Variants in CDH13 observed in about 807,000 individuals in gnomAD.
CDH13 encodes cadherin 13, also known as cadherin-13.
Under a neutral mutation model 63.8 loss-of-function variants are expected in CDH13, and 24 were observed. The ratio of observed to expected loss-of-function variants is 0.38; its 90% CI spans 0.27 to 0.53. CDH13 has a LOEUF of 0.53. CDH13 is among the 20% of genes least tolerant of loss of function. CDH13 has a pLI of 0.85. For synonymous variants in CDH13, 503 were observed against 355.3 expected (o/e 1.42, Z -4.67); for missense variants, 1,049 against 903.1 (o/e 1.16, Z -2.07).
intron 3 of CDH13, among the ~76,000 whole-genome samples, chr16:83,082,440 C>T (rs1445684314): frequency 6.6e-6 from 1 of 151,908 alleles, no homozygotes. Context: ...GCCTGGCCAA[C>T]ATGGTGAAAC....
chr16:83,317,147 C>T (rs534105249), intron 5 of CDH13, among the ~76,000 whole-genome samples: 2 of 152,308 alleles, frequency 1.3e-5, no homozygotes, highest in South Asian at 4.1e-4. Context: ...AAGTCACCCA[C>T]CATTAATTAT....
intron 6 of CDH13, among the ~76,000 whole-genome samples, chr16:83,374,931 A>G (rs965547294): frequency 1.8e-4 from 28 of 152,204 alleles, no homozygotes; most frequent in African/African-American, 6.5e-4. Context: ...ACAGATTTGA[A>G]GTGCAAAGGG....
intron 11 of CDH13, among the ~76,000 whole-genome samples, chr16:83,769,858 C>A (rs890062723): frequency 6.6e-6 from 1 of 151,630 alleles, no homozygotes; most frequent in Admixed American, 6.6e-5. Flanking sequence ...TCAAAAAGGG[C>A]TAGGTAGGAA....
At chr16:83,492,671 A>C (rs2074042056) in intron 7 of CDH13, among the ~76,000 whole-genome samples, 1 of 152,214 alleles carries the variant, frequency 6.6e-6, no homozygotes, top group Non-Finnish European at 1.5e-5. Flanking sequence ...GACATTCAAA[A>C]GGCAGAATGC....
chr16:83,116,664 G>C (rs574829142), intron 3 of CDH13, among the ~76,000 whole-genome samples: 17 of 152,344 alleles, frequency 1.1e-4, no homozygotes, highest in Non-Finnish European at 2.4e-4. Flanking sequence ...TTTCATTTAA[G>C]GGTGATGGAG....
chr16:83,631,793 C>G (rs1910801227), intron 8 of CDH13, among the ~76,000 whole-genome samples: 1 of 152,232 alleles, frequency 6.6e-6, no homozygotes, highest in Non-Finnish European at 1.5e-5. Flanking sequence ...AAATCAGTCA[C>G]TGCTGCCGCC....
intron 1 of CDH13, among the ~76,000 whole-genome samples, chr16:82,702,602 A>G (rs1307720646): frequency 6.6e-6 from 1 of 151,568 alleles, no homozygotes; most frequent in Admixed American, 6.6e-5. Context: ...AAGAATCAAT[A>G]AAACTTCCAT....
At chr16:82,942,264 G>A (rs1904297546) in intron 2 of CDH13, among the ~76,000 whole-genome samples, 1 of 152,154 alleles carries the variant, frequency 6.6e-6, no homozygotes, top group African/African-American at 2.4e-5. Flanking sequence ...GCCGCAAAAT[G>A]TATTGAGAAG....
At chr16:82,757,870 C>T (rs540939973) in intron 1 of CDH13, among the ~76,000 whole-genome samples, 2 of 152,142 alleles carry the variant, frequency 1.3e-5, no homozygotes, top group African/African-American at 2.4e-5. Context: ...AAGATGGTCT[C>T]GATTTCTTGA....
chr16:83,278,615 T>G (rs1227410044), intron 5 of CDH13, among the ~76,000 whole-genome samples: 1 of 152,170 alleles, frequency 6.6e-6, no homozygotes, highest in Admixed American at 6.5e-5. Context: ...TCTAAATCCG[T>G]TCTCTCTTTC....
At chr16:82,866,869 A>C (rs2040167733) in intron 2 of CDH13, among the ~76,000 whole-genome samples, 1 of 152,168 alleles carries the variant, frequency 6.6e-6, no homozygotes, top group African/African-American at 2.4e-5. Flanking sequence ...AGCATAGAGG[A>C]AACCACCTCC....
At chr16:82,838,073 G>C (rs1162223803) in intron 1 of CDH13, among the ~76,000 whole-genome samples, 3 of 152,164 alleles carry the variant, frequency 2.0e-5, no homozygotes, top group Non-Finnish European at 2.9e-5. Flanking sequence ...TCACCCCGCA[G>C]ATCCTGGCCC....
intron 6 of CDH13, among the ~76,000 whole-genome samples, chr16:83,364,780 AAGAG>A (rs993161712): frequency 6.6e-6 from 1 of 152,122 alleles, no homozygotes; most frequent in Non-Finnish European, 1.5e-5. Flanking sequence ...CAGAAGGAAG[AAGAG>A]AGAGAGAGAT....
At chr16:82,700,724 C>T (rs2030883850) in intron 1 of CDH13, among the ~76,000 whole-genome samples, 1 of 152,038 alleles carries the variant, frequency 6.6e-6, no homozygotes, top group Non-Finnish European at 1.5e-5. Context: ...GAGTCTCACC[C>T]TCCTCTTTGC....
intron 1 of CDH13, among the ~76,000 whole-genome samples, chr16:82,634,958 G>C (rs957144219): frequency 6.6e-6 from 1 of 152,232 alleles, no homozygotes; most frequent in East Asian, 1.9e-4. Flanking sequence ...AAGGCAGACT[G>C]AGTCTCTGCT....
intron 3 of CDH13, among the ~76,000 whole-genome samples, chr16:83,069,211 T>C (rs1316564190): frequency 2.0e-5 from 3 of 152,226 alleles, no homozygotes; most frequent in Admixed American, 2.0e-4. Context: ...ATCAGTGGTC[T>C]CAATGTCATT....
At chr16:83,537,932 T>A (rs529478506) in intron 7 of CDH13, among the ~76,000 whole-genome samples, 2 of 152,308 alleles carry the variant, frequency 1.3e-5, no homozygotes, top group South Asian at 4.1e-4. Context: ...GAATTTAATT[T>A]TGTTGTCTAA....
intron 9 of CDH13, among the ~76,000 whole-genome samples, chr16:83,677,857 C>T (rs960255421): frequency 1.3e-5 from 2 of 151,988 alleles, no homozygotes; most frequent in Non-Finnish European, 2.9e-5. Flanking sequence ...AGTTGCCTAA[C>T]GATATCTCAG....
At position 83,686,980 on chromosome 16, in the gene CDH13, T is replaced by A. The variant is rs186961749; in HGVS notation, c.1538+8519T>A. Among the ~76,000 whole-genome samples the A allele has an allele frequency of 2.0e-3, 298 of 152,214 alleles. 2 individuals are homozygous for A. The highest frequency in any genetic ancestry group is 7.0e-3 in the African/African-American group (290 of 41,522). On this transcript the variant is annotated intron_variant, in intron 10 of 13. Coordinates refer to ENST00000567109, the MANE Select transcript of CDH13 (RefSeq NM_001257.5). ...ATCCCAGCACTTCGGGAGGCCAAGG[T>A]GGGCAGATCATTTGAGGTTAGGAAT...
Sources: allele counts gnomAD v4.1 joint callset (sites outside exome capture counted in the v4.1 genomes callset), GRCh38; gene constraint gnomAD v4.1.1; transcripts MANE v1.5; gene names NCBI Gene and HGNC (gene_info 2026-07-23, HGNC 2026-07-21).